The following RGL1 variants were observed in gnomAD, a reference collection of about 807,000 sequenced individuals.
RGL1 encodes the protein ral guanine nucleotide dissociation stimulator-like 1.
RGL1 carries 24 observed loss-of-function variants against 95.2 expected under a neutral mutation model. The observed-to-expected ratio is 0.25, with a 90% CI of 0.18 to 0.35. The LOEUF (loss-of-function observed/expected upper bound fraction) is 0.35. Ranked by LOEUF, RGL1 falls within the 10% of genes least tolerant of loss-of-function variation. The probability of loss-of-function intolerance (pLI) is 1.00; values close to 1 mark genes in which losing one functional copy is unlikely to be tolerated. For synonymous variants in RGL1, 329 were observed against 344.9 expected (o/e 0.95, Z 0.51); for missense variants, 715 against 936.3 (o/e 0.76, Z 3.08).
At chr1:183,702,645 T>C (rs531918325) in intron 1 of RGL1, among the ~76,000 whole-genome samples, 1 of 152,270 alleles carries the variant, frequency 6.6e-6, no homozygotes, top group South Asian at 2.1e-4. Context: ...ACAGTGGGGA[T>C]CCTAGAGCTA....
At chr1:183,690,339 G>A (rs1338535760) in intron 1 of RGL1, among the ~76,000 whole-genome samples, 1 of 152,166 alleles carries the variant, frequency 6.6e-6, no homozygotes, top group Non-Finnish European at 1.5e-5. Flanking sequence ...AGTAGATGCA[G>A]ATTTTAAAAG....
chr1:183,821,049 C>A (rs1662451715), intron 2 of RGL1, among the ~76,000 whole-genome samples: 1 of 152,108 alleles, frequency 6.6e-6, no homozygotes, highest in Non-Finnish European at 1.5e-5. Flanking sequence ...ATGAGAATTG[C>A]TTGTACCCAA....
intron 13 of RGL1, among the ~76,000 whole-genome samples, 178 bp from the exon 14 acceptor site, chr1:183,906,834 G>C (rs911931486): frequency 6.6e-5 from 10 of 152,202 alleles, no homozygotes; most frequent in African/African-American, 2.4e-4. Context: ...AGATAAATGT[G>C]TCAAATCGGG....
intron 1 of RGL1, among the ~76,000 whole-genome samples, chr1:183,721,395 C>T (rs1656006438): frequency 6.6e-6 from 1 of 152,148 alleles, no homozygotes; most frequent in South Asian, 2.1e-4. Context: ...GCTCATTTTA[C>T]CCCTGCCTAT....
chr1:183,744,028 T>G, intron 2 of RGL1, among the ~76,000 whole-genome samples: 1 of 152,182 alleles, frequency 6.6e-6, no homozygotes, highest in East Asian at 1.9e-4. Context: ...CCCCTCCATA[T>G]TCTCATATTC....
intron 1 of RGL1, among the ~76,000 whole-genome samples, chr1:183,737,915 A>G (rs950631950): frequency 2.0e-5 from 3 of 152,230 alleles, no homozygotes; most frequent in Admixed American, 1.3e-4. Context: ...TGTTTTGGGT[A>G]TCAGGTGTTT....
chr1:183,863,996 A>C (rs180729636), intron 3 of RGL1, among the ~76,000 whole-genome samples: 14 of 152,310 alleles, frequency 9.2e-5, no homozygotes, highest in Admixed American at 9.1e-4. Flanking sequence ...TTCTCATTAC[A>C]CATTTGGCAT....
chr1:183,705,634 A>G (rs1654867439), intron 1 of RGL1, among the ~76,000 whole-genome samples: 1 of 152,144 alleles, frequency 6.6e-6, no homozygotes, highest in Non-Finnish European at 1.5e-5. Flanking sequence ...GGTGTAAAGG[A>G]ATTGTGAAAA....
intron 2 of RGL1, among the ~76,000 whole-genome samples, chr1:183,764,512 A>AAT (rs1322537153): frequency 4.6e-5 from 7 of 152,252 alleles, no homozygotes; most frequent in Middle Eastern, 3.4e-3. Context: ...AGATAATACA[A>AAT]ATATAAGTTT....
At position 183,891,742 on chromosome 1, in the gene RGL1, T is replaced by G. The variant is rs1006152412; in HGVS notation, c.1056-335T>G. On this transcript the variant is annotated intron_variant, in intron 8 of 17. Transcript: ENST00000360851. ...CTCTGTGTGTGTAACAGTTTTTTTT[T>G]TTTTTTTTTTTTTTTTTTGTTTAAC... Among the ~76,000 whole-genome samples, 239 of 46,114 alleles carry G rather than the reference T, an allele frequency of 5.2e-3. 1 individual carries two copies. Among genetic ancestry groups the G allele is most frequent in the African/African-American group, 0.019 (225 of 11,626 alleles). 30.3% of individuals were successfully genotyped at this position (46,114 alleles called of 152,430 possible). A position where few individuals can be genotyped will look rare whatever the true frequency, so the allele number is the denominator to read the frequency against.
chr1:183,921,462 A>G (rs1394752442), intron 16 of RGL1, among the ~76,000 whole-genome samples: 1 of 152,118 alleles, frequency 6.6e-6, no homozygotes, highest in Non-Finnish European at 1.5e-5. Flanking sequence ...CCTTTTTTTG[A>G]AAGAATAGAC....
intron 2 of RGL1, among the ~76,000 whole-genome samples, chr1:183,781,968 G>C (rs1434984743): frequency 1.3e-5 from 2 of 152,150 alleles, no homozygotes; most frequent in Non-Finnish European, 2.9e-5. Context: ...CATGTAGCTG[G>C]TTTCTGATTT....
At chr1:183,827,650 ACCT>A (rs1217952743) in intron 2 of RGL1, among the ~76,000 whole-genome samples, 2 of 152,242 alleles carry the variant, frequency 1.3e-5, no homozygotes, top group Non-Finnish European at 2.9e-5. Flanking sequence ...GCGTAGCCTG[ACCT>A]CCTACACATT....
intron 2 of RGL1, among the ~76,000 whole-genome samples, chr1:183,766,106 GA>G (rs1658949190): frequency 5.3e-5 from 8 of 150,078 alleles, no homozygotes; most frequent in Admixed American, 5.3e-4. Context: ...AAAAAAAAAA[GA>G]AAGTTAAACA....
chr1:183,817,844 T>C (rs1417022753), intron 2 of RGL1, among the ~76,000 whole-genome samples: 1 of 152,216 alleles, frequency 6.6e-6, no homozygotes, highest in Non-Finnish European at 1.5e-5. Context: ...GCAATGGTAC[T>C]GTGACCATTT....
chr1:183,705,042 C>T (rs144667898), intron 1 of RGL1, among the ~76,000 whole-genome samples: 110 of 152,080 alleles, frequency 7.2e-4, no homozygotes, highest in African/African-American at 2.6e-3. Context: ...AGAGTGAGGA[C>T]GGGGGCTGAG....
chr1:183,697,823 T>A (rs1324898457), intron 1 of RGL1, among the ~76,000 whole-genome samples: 1 of 152,220 alleles, frequency 6.6e-6, no homozygotes, highest in Non-Finnish European at 1.5e-5. Context: ...ATCAGTAGGA[T>A]TCCAAGTATC....
intron 8 of RGL1, 69 bp downstream of exon 8, chr1:183,888,646 C>A: frequency 1.1e-6 from 1 of 919,480 alleles, no homozygotes. Flanking sequence ...GAGTCCTCAC[C>A]TTCAAAGCTT....
intron 2 of RGL1, among the ~76,000 whole-genome samples, chr1:183,772,792 G>T (rs1290490517): frequency 1.3e-5 from 2 of 151,776 alleles, no homozygotes; most frequent in Non-Finnish European, 2.9e-5. Context: ...GGTGGATCAT[G>T]AGGTCAGGAG....
Sources: allele counts gnomAD v4.1 joint callset (sites outside exome capture counted in the v4.1 genomes callset), GRCh38; gene constraint gnomAD v4.1.1; transcripts MANE v1.5; gene names NCBI Gene and HGNC (gene_info 2026-07-23, HGNC 2026-07-21).